C3orf20: variants seen among roughly 807,000 people sequenced by gnomAD.
C3orf20 encodes the protein family with sequence similarity 149 member C.
A neutral mutation model predicts 88.3 loss-of-function variants in C3orf20; 76 were observed. The observed-to-expected ratio is 0.86, with a 90% CI of 0.72 to 1.04. The LOEUF is 1.04. Ranked by LOEUF, C3orf20 falls within the 50% of genes least tolerant of loss-of-function variation. The pLI is 0.00. For missense variants in C3orf20, 1,056 were observed against 1,123.3 expected (o/e 0.94, Z 0.86); for synonymous variants, 436 against 437.4 (o/e 1.00, Z 0.04).
intron 4 of C3orf20, among the ~76,000 whole-genome samples, chr3:14,688,409 G>A (rs779452188): frequency 4.6e-5 from 7 of 151,674 alleles, no homozygotes; most frequent in Non-Finnish European, 1.0e-4. Context: ...GCACACATCT[G>A]TAGTCCCAGC....
chr3:14,700,488 C>CT (rs1157525426), intron 5 of C3orf20, among the ~76,000 whole-genome samples: 5 of 152,188 alleles, frequency 3.3e-5, no homozygotes, highest in African/African-American at 1.2e-4. Context: ...ACTATCCATG[C>CT]TTTCAGGCAT....
At chr3:14,694,656 C>A (rs1559401586) in intron 5 of C3orf20, among the ~76,000 whole-genome samples, 1 of 151,974 alleles carries the variant, frequency 6.6e-6, no homozygotes, top group Non-Finnish European at 1.5e-5. Flanking sequence ...TTATTGATCT[C>A]TTGTATTGTT....
At chr3:14,721,568 G>A in intron 9 of C3orf20, 85 bp from the exon 10 acceptor site, 1 of 1,549,876 alleles carries the variant, frequency 6.5e-7, no homozygotes, top group Admixed American at 1.9e-5. Context: ...AGCCAACAGG[G>A]GCTTTGTGCT....
intron 12 of C3orf20, among the ~76,000 whole-genome samples, chr3:14,745,816 T>C (rs914866628): frequency 1.6e-4 from 25 of 152,354 alleles, no homozygotes; most frequent in African/African-American, 6.0e-4. Flanking sequence ...ATAATTTTTA[T>C]GAGTTACATA....
At chr3:14,683,519 G>T (rs2032224593) in intron 3 of C3orf20, among the ~76,000 whole-genome samples, 1 of 151,958 alleles carries the variant, frequency 6.6e-6, no homozygotes, top group Non-Finnish European at 1.5e-5. Flanking sequence ...TTTCAAACCA[G>T]CAGGGCTGAT....
intron 14 of C3orf20, 126 bp downstream of exon 14, chr3:14,760,124 T>G: frequency 1.3e-6 from 1 of 742,740 alleles, no homozygotes; most frequent in Admixed American, 2.1e-5. Flanking sequence ...CGGAATTATC[T>G]CCCCACCGTG....
intron 1 of C3orf20, among the ~76,000 whole-genome samples, chr3:14,678,872 A>C (rs774149429): frequency 2.6e-5 from 4 of 152,212 alleles, no homozygotes; most frequent in Non-Finnish European, 5.9e-5. Context: ...CAGTATTTGC[A>C]TGGAGTATTT....
chr3:14,700,906 G>A (rs2033235964), intron 5 of C3orf20, among the ~76,000 whole-genome samples: 1 of 152,240 alleles, frequency 6.6e-6, no homozygotes, highest in Non-Finnish European at 1.5e-5. Flanking sequence ...TGACAGTTCT[G>A]GGGCCAGGCT....
intron 12 of C3orf20, 52 bp from the exon 13 acceptor site, chr3:14,757,319 C>A: frequency 6.7e-7 from 1 of 1,502,060 alleles, no homozygotes; most frequent in Non-Finnish European, 9.0e-7. Context: ...CTGGGAACCA[C>A]AGACCTTCAC....
intron 7 of C3orf20, among the ~76,000 whole-genome samples, chr3:14,706,963 G>T (rs971790065): frequency 6.6e-6 from 1 of 151,864 alleles, no homozygotes; most frequent in Non-Finnish European, 1.5e-5. Flanking sequence ...AAAATTATAT[G>T]TCTGGGCCGG....
intron 15 of C3orf20, among the ~76,000 whole-genome samples, chr3:14,764,073 A>G (rs1405192966): frequency 2.0e-5 from 3 of 152,178 alleles, no homozygotes; most frequent in Admixed American, 6.6e-5. Flanking sequence ...ACACACATGT[A>G]CACACATTAG....
At chr3:14,739,469 A>G (rs1017549365) in intron 12 of C3orf20, among the ~76,000 whole-genome samples, 3 of 152,234 alleles carry the variant, frequency 2.0e-5, no homozygotes, top group Non-Finnish European at 2.9e-5. Context: ...TTCCATTTAT[A>G]TAGCACAGGC....
At position 14,712,574 on chromosome 3, in the gene C3orf20, T is replaced by C. The variant is rs926159049; in HGVS notation, c.1161-1433T>C. On this transcript the variant is annotated intron_variant, in intron 7 of 16. Transcript: ENST00000253697. Reference sequence around the variant, plus strand: ...TAGCTGTATCCCTCCCCCTTTATGTTGTTATCAGAGAATAATGTTTTATAG... The same window carrying C: ...TAGCTGTATCCCTCCCCCTTTATGTCGTTATCAGAGAATAATGTTTTATAG... 3.3e-5 allele frequency among the ~76,000 whole-genome samples: 5 copies of C among 152,344 alleles called. No individual in the cohort carries two copies. In the South Asian group the frequency reaches 8.3e-4, roughly 25 times the overall value.
At chr3:14,761,692 AG>A (rs1559447570) in intron 15 of C3orf20, 77 bp downstream of exon 15, 14 of 1,102,988 alleles carry the variant, frequency 1.3e-5, no homozygotes, top group Non-Finnish European at 1.8e-5. Flanking sequence ...GGGCTGTGAA[AG>A]GGGAACTGAG....
intron 4 of C3orf20, among the ~76,000 whole-genome samples, chr3:14,688,765 G>C (rs1291826100): frequency 6.6e-6 from 1 of 151,980 alleles, no homozygotes; most frequent in Non-Finnish European, 1.5e-5. Context: ...CACCTTTGCA[G>C]TTTCCTTTGT....
intron 1 of C3orf20, among the ~76,000 whole-genome samples, chr3:14,677,676 T>A (rs1575080159): frequency 6.6e-6 from 1 of 152,116 alleles, no homozygotes; most frequent in East Asian, 1.9e-4. Context: ...ACTTTTTGTA[T>A]TTTTACTGGA....
rs116081660 is a variant in C3orf20, at chr3:14,698,671, A to G, written c.746-4459A>G. Among the ~76,000 whole-genome samples, 992 of 152,294 alleles carry G rather than the reference A, an allele frequency of 6.5e-3. 9 individuals are homozygous for G. The highest frequency in any genetic ancestry group is 0.022 in the African/African-American group (918 of 41,566). On this transcript the variant is annotated intron_variant, in intron 5 of 16. Transcript: ENST00000253697. ...GCCACCTGGAGCTGGGGATGGGGTT[A>G]CACAAGTACCCCTGTGGCCACCACC...
intron 10 of C3orf20, among the ~76,000 whole-genome samples, chr3:14,724,808 G>C (rs2034291664): frequency 6.6e-6 from 1 of 152,150 alleles, no homozygotes; most frequent in Admixed American, 6.5e-5. Context: ...TATATTTCTA[G>C]TGGATCATGC....
chr3:14,732,861 G>A (rs555849695), intron 12 of C3orf20, among the ~76,000 whole-genome samples: 16 of 82,010 alleles, frequency 2.0e-4, no homozygotes, highest in African/African-American at 5.7e-4. Context: ...GATCCATTTT[G>A]AGTTAATTTT....
Sources: allele counts gnomAD v4.1 joint callset (sites outside exome capture counted in the v4.1 genomes callset), GRCh38; gene constraint gnomAD v4.1.1; transcripts MANE v1.5; gene names NCBI Gene and HGNC (gene_info 2026-07-23, HGNC 2026-07-21).